GPRASP1: variants seen among roughly 807,000 people sequenced by gnomAD.
GPRASP1 encodes G protein-coupled receptor associated sorting protein 1.
GPRASP1 carries 28 observed loss-of-function variants against 68.4 expected under a neutral mutation model. The ratio of observed to expected loss-of-function variants is 0.41; its 90% CI spans 0.30 to 0.56. The LOEUF (loss-of-function observed/expected upper bound fraction) is 0.56. Ranked by LOEUF, GPRASP1 falls within the 20% of genes least tolerant of loss-of-function variation. GPRASP1 has a pLI of 0.29. For synonymous variants in GPRASP1, 304 were observed against 358.2 expected, an observed-to-expected ratio of 0.85 and a Z score of 1.71; for missense variants, 913 against 1,031.5, an observed-to-expected ratio of 0.89 and a Z score of 1.57.
Position 102,657,290 on chromosome X carries a change from G to A in GPRASP1, c.3377G>A (p.Arg1126Gln), listed in dbSNP as rs753504960. The change falls in exon 6 of 6, where the codon CGA becomes CAA. Residue 1126 changes from arginine (R) to glutamine (Q), a missense_variant. Coordinates refer to ENST00000537097, the MANE Select transcript of GPRASP1 (RefSeq NM_001184727.2). ...TCCTACAGGTCAGTCCAGGAAATTC[G>A]AGAGCATCTTAGGGCCAAGGAGAGT... is the stretch of plus-strand genomic sequence containing the variant. The part of the protein sequence containing the change: ...DPSYRSVQEI[R>Q]EHLRAKESTE... 8.3e-6 allele frequency: 10 copies of A among 1,208,955 alleles called. No homozygotes were observed. The South Asian group carries it at 1.4e-4, about 17-fold the overall frequency.
At position 102,655,950 on chromosome X, in the gene GPRASP1, A is replaced by G; in HGVS notation, c.2037A>G (p.Ala679=). The G allele has an allele frequency of 8.3e-7, 1 of 1,211,735 alleles. No homozygotes were observed. The highest frequency in any genetic ancestry group is 3.0e-5 in the East Asian group (1 of 33,847). Residue 679 remains alanine, a synonymous_variant, in exon 6 of 6, where the codon GCA becomes GCG. Transcript: ENST00000537097. ...EETNNKSCFW[A]EKEPCMYPAG... Reference sequence around the variant, plus strand: ...CCAATAATAAGTCTTGCTTCTGGGCAGAAAAAGAACCCTGTATGTATCCTG... The same window carrying G: ...CCAATAATAAGTCTTGCTTCTGGGCGGAAAAAGAACCCTGTATGTATCCTG...
In GPRASP1 at chrX:102,655,349, CTG is replaced by C; in HGVS notation, c.1437_1438del (p.Ala481Ter). 2 of 1,211,394 alleles carry C rather than the reference CTG, an allele frequency of 1.7e-6. No individual in the cohort carries two copies. The highest frequency in any genetic ancestry group is 2.2e-6 in the Non-Finnish European group (2 of 895,067). On this transcript the variant is annotated frameshift_variant, in exon 6 of 6. Transcript: ENST00000537097. LOFTEE classifies it high-confidence loss of function. Reference sequence around the variant, plus strand: ...GCTAGGGAAAAGACCAGTATGAAAACTGGGGCTGAGGCCACCTCTGAATCTAT... The same window carrying C: ...GCTAGGGAAAAGACCAGTATGAAAACGGGCTGAGGCCACCTCTGAATCTAT...
Position 102,658,004 on chromosome X carries a change from C to T in GPRASP1, c.4091C>T (p.Pro1364Leu), listed in dbSNP as rs756210495. 2 of 1,196,361 alleles carry T rather than the reference C, an allele frequency of 1.7e-6. No individual in the cohort carries two copies. The highest frequency in any genetic ancestry group is 2.2e-5 in the Admixed American group (1 of 45,734). Residue 1364 changes from proline to leucine, a missense_variant, in exon 6 of 6, where the codon CCG (proline) becomes CTG (leucine). Transcript: ENST00000537097. Reference sequence around the variant, plus strand: ...TCTGATGATGATTTCAATATTGAGCCGCTTATTTCTGCATTCCACAAAGTT... The same window carrying T: ...TCTGATGATGATTTCAATATTGAGCTGCTTATTTCTGCATTCCACAAAGTT... ...VFSDDDFNIEPLISAFHKVEK... is the reference protein window; with the variant it reads ...VFSDDDFNIELLISAFHKVEK...
At position 102,655,044 on chromosome X, in the gene GPRASP1, C is replaced by A; in HGVS notation, c.1131C>A (p.Ala377=). The change falls in exon 6 of 6, where the codon GCC becomes GCA. Residue 377 remains alanine (A), a synonymous_variant. Transcript: ENST00000537097. ...CCATGATCAAGAAAGAGGCCAGGGCCAGAGCAATGACAAAGGAAGAGGCCA... is the reference window on the plus strand; with the variant it reads ...CCATGATCAAGAAAGAGGCCAGGGCAAGAGCAATGACAAAGGAAGAGGCCA... The part of the protein sequence containing the change: ...SRPMIKKEAR[A]RAMTKEEAKT... 1 of 1,211,519 alleles carries A rather than the reference C, an allele frequency of 8.3e-7. No homozygotes were observed. The highest frequency in any genetic ancestry group is 1.1e-6 in the Non-Finnish European group (1 of 895,263).
In GPRASP1 at chrX:102,658,440, T is replaced by C. The variant is rs1431310069; in HGVS notation, c.*339T>C. 4 of 145,908 alleles carry C rather than the reference T, an allele frequency of 2.7e-5. No homozygotes were observed. Among genetic ancestry groups the C allele is most frequent in the Admixed American group, 8.7e-5 (1 of 11,544 alleles). The allele number at this position is 145,908 out of a possible 1,213,427, so 12.0% of individuals were successfully genotyped here. ...TTGTTTGTGTTTCAATAAAGTCCTA[T>C]GTTAAAGTTGGCAGAAATCACCCTT... is the stretch of plus-strand genomic sequence containing the variant. On this transcript the variant is annotated 3_prime_UTR_variant, in exon 6 of 6. Coordinates refer to ENST00000537097, the MANE Select transcript of GPRASP1 (RefSeq NM_001184727.2).
Position 102,656,560 on chromosome X carries a change from G to C in GPRASP1, c.2647G>C (p.Glu883Gln). ...TGTTGGGTCCTGGTTCTGGCCTGAA[G>C]AAGAAGCCAGTATACAGGCTGGATC... is the stretch of plus-strand genomic sequence containing the variant. ...ITVGSWFWPE[E>Q]EASIQAGSQA... The change falls in exon 6 of 6, where the codon GAA becomes CAA. Residue 883 changes from glutamate to glutamine, a missense_variant. Transcript: ENST00000537097. The C allele has an allele frequency of 1.7e-6, 2 of 1,210,769 alleles. No homozygotes were observed. Among genetic ancestry groups the C allele is most frequent in the Non-Finnish European group, 2.2e-6 (2 of 894,821 alleles).
Position 102,654,134 on chromosome X carries a change from C to T in GPRASP1, c.221C>T (p.Ala74Val). 8.3e-7 allele frequency: 1 copy of T among 1,211,584 alleles called. No individual in the cohort carries two copies. The highest frequency in any genetic ancestry group is 1.1e-6 in the Non-Finnish European group (1 of 895,017). Residue 74 changes from alanine (A) to valine (V), a missense_variant, in exon 6 of 6, where the codon GCA becomes GTA. Coordinates refer to ENST00000537097, the MANE Select transcript of GPRASP1 (RefSeq NM_001184727.2). ...TKVETSAVGGARPKSKAKAIP... is the reference protein window; with the variant it reads ...TKVETSAVGGVRPKSKAKAIP... ...GTTGAGACAAGTGCAGTGGGTGGGG[C>T]ACGCCCTAAGAGTAAGGCCAAGGCA...
In GPRASP1 at chrX:102,656,806, G is replaced by A. The variant is rs747799205; in HGVS notation, c.2893G>A (p.Glu965Lys). The A allele has an allele frequency of 4.1e-6, 5 of 1,209,094 alleles. No homozygotes were observed. In the African/African-American group the frequency reaches 7.0e-5, roughly 17 times the overall value. The change falls in exon 6 of 6, where the codon GAA becomes AAA. Residue 965 changes from glutamate (E) to lysine (K), a missense_variant. Coordinates refer to ENST00000537097, the MANE Select transcript of GPRASP1 (RefSeq NM_001184727.2). ...ATCESKPENE[E>K]GAIVGSWFEA... ...CTGTGAGTCCAAGCCAGAAAATGAG[G>A]AAGGGGCCATTGTTGGGTCTTGGTT...
At position 102,657,816 on chromosome X, in the gene GPRASP1, G is replaced by A; in HGVS notation, c.3903G>A (p.Leu1301=). 1 of 1,206,068 alleles carries A rather than the reference G, an allele frequency of 8.3e-7. No homozygotes were observed. The highest frequency in any genetic ancestry group is 1.8e-5 in the South Asian group (1 of 56,811). Residue 1301 remains leucine, a synonymous_variant, in exon 6 of 6, where the codon CTG becomes CTA. Coordinates refer to ENST00000537097, the MANE Select transcript of GPRASP1 (RefSeq NM_001184727.2). ...KTRFHVLKML[L]NLSENLFMTK... The stretch of plus-strand genomic sequence containing the variant: ...GGTTTCATGTTTTGAAAATGCTACT[G>A]AATTTGTCTGAAAATCTTTTCATGA...
rs1485231154 is a variant in GPRASP1 at position 102,653,611 on chromosome X, G to A, written c.-303G>A. 4.1e-6 allele frequency: 1 copy of A among 244,393 alleles called. No homozygotes were observed. The highest frequency in any genetic ancestry group is 7.3e-6 in the Non-Finnish European group (1 of 136,970). The allele number at this position is 244,393 out of a possible 1,213,427, so 20.1% of individuals were successfully genotyped here. A position where few individuals can be genotyped will look rare whatever the true frequency, so the allele number is the denominator to read the frequency against. The stretch of plus-strand genomic sequence containing the variant: ...CTCCAGTGGCTGCTCTGCTGGTGGT[G>A]GGGTTGCTGCTGACAACCACCCTCA... On this transcript the variant is annotated 5_prime_UTR_variant, in exon 6 of 6. Transcript: ENST00000537097.
chrX:102,653,909 G>T lies in GPRASP1; in HGVS notation c.-5G>T. The T allele has an allele frequency of 5.8e-6, 7 of 1,200,434 alleles. No homozygotes were observed. Among genetic ancestry groups the T allele is most frequent in the Non-Finnish European group, 6.8e-6 (6 of 886,735 alleles). On this transcript the variant is annotated 5_prime_UTR_variant, in exon 6 of 6. Coordinates refer to ENST00000537097, the MANE Select transcript of GPRASP1 (RefSeq NM_001184727.2). Reference sequence around the variant, plus strand: ...TAGTACTGGACTTTCTTTGTAACTTGTACCATGACTGGGGCAGAGATTGAG... The same window carrying T: ...TAGTACTGGACTTTCTTTGTAACTTTTACCATGACTGGGGCAGAGATTGAG...
rs781232292 is a variant in GPRASP1 at position 102,654,137 on chromosome X, G to A, written c.224G>A (p.Arg75His). 6 of 1,210,518 alleles carry A rather than the reference G, an allele frequency of 5.0e-6. No individual in the cohort carries two copies. Among genetic ancestry groups the A allele is most frequent in the African/African-American group, 1.7e-5 (1 of 57,473 alleles). ...KVETSAVGGA[R>H]PKSKAKAIPV... ...GAGACAAGTGCAGTGGGTGGGGCAC[G>A]CCCTAAGAGTAAGGCCAAGGCAATA... Residue 75 changes from arginine (R) to histidine (H), a missense_variant, in exon 6 of 6, where the codon CGC becomes CAC. Transcript: ENST00000537097.
Position 102,657,223 on chromosome X carries a change from C to A in GPRASP1, c.3310C>A (p.Pro1104Thr), listed in dbSNP as rs780551483. The A allele has an allele frequency of 7.4e-6, 9 of 1,210,523 alleles. No individual in the cohort carries two copies. In the Admixed American group the frequency reaches 2.0e-4, roughly 26 times the overall value. Residue 1104 changes from proline (P) to threonine (T), a missense_variant, in exon 6 of 6, where the codon CCT becomes ACT. Pro to Thr is a conservative substitution (Grantham distance 38, BLOSUM62 -1). Transcript: ENST00000537097. Reference protein sequence around the residue: ...EGEDQESLLQPDQPSPEFPFQ... With the variant: ...EGEDQESLLQTDQPSPEFPFQ... ...GGAAGATCAGGAATCTTTGCTTCAG[C>A]CTGATCAGCCTAGTCCTGAGTTCCC...
rs1332807040 is a variant in GPRASP1, at chrX:102,654,239, A to G, written c.326A>G (p.Glu109Gly). The G allele has an allele frequency of 8.3e-7, 1 of 1,210,449 alleles. No homozygotes were observed. Among genetic ancestry groups the G allele is most frequent in the Admixed American group, 2.2e-5 (1 of 45,963 alleles). The change falls in exon 6 of 6, where the codon GAG (glutamate) becomes GGG (glycine). Residue 109 changes from glutamate (E) to glycine (G), a missense_variant. Transcript: ENST00000537097. ...GGTGCTGAAAGATTGTCTAAGACAG[A>G]GAGAAACTCCCAGACCAATATCATA... ...RFGAERLSKT[E>G]RNSQTNIIAS... is the part of the protein sequence containing the mutation.
rs1251929882 is a variant in GPRASP1, at chrX:102,658,690, A to C, written c.*589A>C. 8.3e-6 allele frequency: 1 copy of C among 119,846 alleles called. No individual in the cohort carries two copies. The highest frequency in any genetic ancestry group is 2.9e-4 in the East Asian group (1 of 3,500). 9.9% of individuals were successfully genotyped at this position (119,846 alleles called of 1,213,427 possible). A position where few individuals can be genotyped will look rare whatever the true frequency, so the allele number is the denominator to read the frequency against. ...GGTGTAAAAAAAAAAAAAAGCATGG[A>C]GTTAGGAAAAATTTTCCTATGGGAG... On this transcript the variant is annotated 3_prime_UTR_variant, in exon 6 of 6. Coordinates refer to ENST00000537097, the MANE Select transcript of GPRASP1 (RefSeq NM_001184727.2).
intron 3 of GPRASP1, 106 bp from the exon 4 acceptor site, chrX:102,652,725 G>A (rs998574004): frequency 5.3e-5 from 6 of 112,904 alleles, no homozygotes; most frequent in African/African-American, 1.9e-4. Context: ...TTGAAAGACA[G>A]ATATCAATAA....
At position 102,656,018 on chromosome X, in the gene GPRASP1, A is replaced by T; in HGVS notation, c.2105A>T (p.Asp702Val). Residue 702 changes from aspartate to valine, a missense_variant, in exon 6 of 6, where the codon GAC becomes GTC. By Grantham distance (152) the Asp-to-Val change is radical (BLOSUM62 -3). Transcript: ENST00000537097. ...SWKSRPEEEE[D>V]IVNSWFWSRK... is the part of the protein sequence containing the mutation. ...AAGTCTAGGCCAGAGGAGGAAGAGG[A>T]CATTGTCAATTCGTGGTTCTGGTCC... 8.3e-7 allele frequency: 1 copy of T among 1,211,557 alleles called. No individual in the cohort carries two copies. Among genetic ancestry groups the T allele is most frequent in the Admixed American group, 2.2e-5 (1 of 46,014 alleles).
rs1193957939 is a variant in GPRASP1, at chrX:102,657,429, T to A, written c.3516T>A (p.His1172Gln). 5.8e-6 allele frequency: 7 copies of A among 1,210,202 alleles called. No homozygotes were observed. The highest frequency in any genetic ancestry group is 2.3e-4 in the Middle Eastern group (1 of 4,367). ...AAAAAATTCGGGATCCTTTTATTCATGAAATATCTAAAATCGCAATGGGTA... is the reference window on the plus strand; with the variant it reads ...AAAAAATTCGGGATCCTTTTATTCAAGAAATATCTAAAATCGCAATGGGTA... ...LMEKIRDPFI[H>Q]EISKIAMGMR... The change falls in exon 6 of 6, where the codon CAT (histidine) becomes CAA (glutamine). Residue 1172 changes from histidine (H) to glutamine (Q), a missense_variant. His to Gln is a conservative substitution (Grantham distance 24). Coordinates refer to ENST00000537097, the MANE Select transcript of GPRASP1 (RefSeq NM_001184727.2).
rs747991844 is a variant in GPRASP1, at chrX:102,658,633, G to A, written c.*532G>A. ...CTTCAGAGAAAAAGTAGCTACTTCGGTTGGACTCTGAAGTTTGGGAAAGAT... is the reference window on the plus strand; with the variant it reads ...CTTCAGAGAAAAAGTAGCTACTTCGATTGGACTCTGAAGTTTGGGAAAGAT... On this transcript the variant is annotated 3_prime_UTR_variant, in exon 6 of 6. Coordinates refer to ENST00000537097, the MANE Select transcript of GPRASP1 (RefSeq NM_001184727.2). 1.7e-5 allele frequency: 2 copies of A among 118,905 alleles called. No homozygotes were observed. The highest frequency in any genetic ancestry group is 8.4e-4 in the South Asian group (2 of 2,374). The allele number at this position is 118,905 out of a possible 1,213,427, so 9.8% of individuals were successfully genotyped here.
Sources: allele counts gnomAD v4.1 joint callset, GRCh38; gene constraint gnomAD v4.1.1; transcripts MANE v1.5; gene names NCBI Gene and HGNC (gene_info 2026-07-23, HGNC 2026-07-21).